Variants in PRCC observed in about 807,000 individuals in gnomAD.
PRCC encodes proline-rich protein PRCC.
PRCC carries 10 observed loss-of-function variants against 44.0 expected under a neutral mutation model. That is an observed-to-expected ratio of 0.23 (90% CI 0.14 to 0.39). The LOEUF (loss-of-function observed/expected upper bound fraction) is 0.39. Among genes scored for constraint, PRCC ranks in the 10% least tolerant of loss-of-function variants. PRCC has a pLI of 1.00. For synonymous variants in PRCC, 278 were observed against 259.5 expected, an observed-to-expected ratio of 1.07 and a Z score of -0.69; for missense variants, 573 against 624.7, an observed-to-expected ratio of 0.92 and a Z score of 0.88.
intron 6 of PRCC, among the ~76,000 whole-genome samples, chr1:156,798,659 A>C (rs943205948): frequency 1.3e-5 from 2 of 152,076 alleles, no homozygotes; most frequent in Non-Finnish European, 2.9e-5. Flanking sequence ...ATTCGAGACC[A>C]GCCTGACCAA....
intron 4 of PRCC, among the ~76,000 whole-genome samples, chr1:156,793,493 CTTTT>C (rs113676490): frequency 2.1e-5 from 3 of 139,850 alleles, no homozygotes; most frequent in African/African-American, 5.3e-5. Context: ...GTTTACTGGG[CTTTT>C]TTTTTTTTTT....
chr1:156,794,630 C>T (rs771179150), intron 4 of PRCC, 35 bp from the exon 5 acceptor site: 3 of 1,612,276 alleles, frequency 1.9e-6, no homozygotes, highest in Non-Finnish European at 1.7e-6. Flanking sequence ...CACCCTTGCC[C>T]AGATTCCTGA....
chr1:156,791,097 C>T (rs773321643), intron 3 of PRCC: 1 of 1,414,558 alleles, frequency 7.1e-7, no homozygotes, highest in South Asian at 1.1e-5. Flanking sequence ...CCACTCGCCT[C>T]TAAGGGGAAT....
At chr1:156,784,416 G>A (rs1007520494) in intron 2 of PRCC, among the ~76,000 whole-genome samples, 1 of 152,180 alleles carries the variant, frequency 6.6e-6, no homozygotes, top group Non-Finnish European at 1.5e-5. Flanking sequence ...CTTCCAGGTG[G>A]TAGGAAGAAA....
At chr1:156,788,275 GT>G (rs1217238872) in intron 3 of PRCC, among the ~76,000 whole-genome samples, 3 of 152,158 alleles carry the variant, frequency 2.0e-5, no homozygotes, top group African/African-American at 7.2e-5. Context: ...CTGTTTCTAT[GT>G]TAATTTGCTT....
intron 6 of PRCC, among the ~76,000 whole-genome samples, chr1:156,799,854 A>C (rs1207029398): frequency 6.6e-6 from 1 of 152,210 alleles, no homozygotes; most frequent in East Asian, 1.9e-4. Context: ...TTCAGTCATT[A>C]CTTTAAAATC....
At chr1:156,770,154 C>T (rs551119916) in intron 1 of PRCC, among the ~76,000 whole-genome samples, 1 of 152,296 alleles carries the variant, frequency 6.6e-6, no homozygotes, top group Non-Finnish European at 1.5e-5. Context: ...TTTGGGTTGG[C>T]TGAGGTGGCA....
intron 1 of PRCC, among the ~76,000 whole-genome samples, chr1:156,779,149 T>C (rs1411945953): frequency 1.0e-4 from 10 of 99,798 alleles, no homozygotes; most frequent in South Asian, 3.6e-4. Flanking sequence ...TTTTTTTTTT[T>C]TTTTTTTTTT....
intron 3 of PRCC, among the ~76,000 whole-genome samples, chr1:156,790,281 G>A (rs1652427423): frequency 6.6e-6 from 1 of 152,252 alleles, no homozygotes; most frequent in Non-Finnish European, 1.5e-5. Flanking sequence ...GTTTCCTATA[G>A]GCTGAGCAGA....
Position 156,800,700 on chromosome 1 carries a change from T to C in PRCC, c.*240T>C. On this transcript the variant is annotated 3_prime_UTR_variant, in exon 7 of 7. Transcript: ENST00000271526. ...ATGCCTCCGAAGGGGCTCTGAGTTC[T>C]GGGGTGGGAGTTTTGCTCTCTGTCA... The C allele has an allele frequency of 2.3e-6, 1 of 433,102 alleles. No individual in the cohort carries two copies. The allele number at this position is 433,102 out of a possible 1,614,324, so 26.8% of individuals were successfully genotyped here. A position where few individuals can be genotyped will look rare whatever the true frequency, so the allele number is the denominator to read the frequency against.
At chr1:156,794,980 C>T (rs2102772864) in intron 5 of PRCC, among the ~76,000 whole-genome samples, 172 bp downstream of exon 5, 1 of 152,224 alleles carries the variant, frequency 6.6e-6, no homozygotes, top group Middle Eastern at 3.4e-3. Flanking sequence ...CAGCTCCTGC[C>T]CTCTAGAACT....
At chr1:156,783,104 A>G (rs1652104159) in intron 2 of PRCC, among the ~76,000 whole-genome samples, 1 of 152,052 alleles carries the variant, frequency 6.6e-6, no homozygotes, top group Admixed American at 6.5e-5. Flanking sequence ...GGGTTTCTCC[A>G]TGTTGGTCAG....
intron 2 of PRCC, among the ~76,000 whole-genome samples, chr1:156,784,265 G>A (rs1401273870): frequency 6.6e-6 from 1 of 152,128 alleles, no homozygotes; most frequent in South Asian, 2.1e-4. Context: ...TGTATTTATA[G>A]TAGATGAAAA....
intron 1 of PRCC, among the ~76,000 whole-genome samples, chr1:156,779,651 A>G (rs954805676): frequency 3.3e-5 from 5 of 151,914 alleles, no homozygotes; most frequent in Admixed American, 3.3e-4. Flanking sequence ...TGACAGGTGT[A>G]AGCCACCGGA....
chr1:156,798,407 T>A (rs1280412547), intron 6 of PRCC, among the ~76,000 whole-genome samples: 1 of 152,158 alleles, frequency 6.6e-6, no homozygotes, highest in Non-Finnish European at 1.5e-5. Context: ...TTATGCTAGA[T>A]TCATTTATCT....
rs1652381876 is a variant in PRCC at position 156,788,987 on chromosome 1, TG to T, written c.1083+1814del. Among the ~76,000 whole-genome samples, 7 of 152,074 alleles carry T rather than the reference TG, an allele frequency of 4.6e-5. No homozygotes were observed. In the South Asian group the frequency reaches 1.5e-3, roughly 32 times the overall value. On this transcript the variant is annotated intron_variant, in intron 3 of 6. Coordinates refer to ENST00000271526, the MANE Select transcript of PRCC (RefSeq NM_005973.5). ...TGCCTATTTTTTATTTTTTTATTTT[TG>T]AGATGGAGTCTTGCTCTGTCACCCA...
chr1:156,770,256 T>C (rs1156721687), intron 1 of PRCC, among the ~76,000 whole-genome samples: 1 of 152,242 alleles, frequency 6.6e-6, no homozygotes, highest in Non-Finnish European at 1.5e-5. Context: ...TCCTAGCCCT[T>C]GCTGGTTGAG....
chr1:156,797,202 C>T (rs547799067), intron 5 of PRCC, 74 bp from the exon 6 acceptor site: 1 of 1,591,884 alleles, frequency 6.3e-7, no homozygotes, highest in Non-Finnish European at 8.6e-7. Context: ...GCCCCTAACA[C>T]CACACCATCT....
chr1:156,795,612 G>T (rs1394984704), intron 5 of PRCC, among the ~76,000 whole-genome samples: 1 of 152,076 alleles, frequency 6.6e-6, no homozygotes, highest in Non-Finnish European at 1.5e-5. Flanking sequence ...TTCAAGCTGG[G>T]ACCTGGCTCA....
Sources: gnomAD v4.1 joint callset for allele counts (sites outside exome capture counted in the v4.1 genomes callset) on GRCh38, gnomAD v4.1.1 for gene constraint, MANE v1.5 for transcripts, NCBI Gene and HGNC (gene_info 2026-07-23, HGNC 2026-07-21) for gene names.